The following DLC1 variants were observed in gnomAD, a reference collection of about 807,000 sequenced individuals.
DLC1 encodes the protein rho GTPase-activating protein 7.
In DLC1, 54 loss-of-function variants were observed where a neutral mutation model predicts 140.3. The ratio of observed to expected loss-of-function variants is 0.38; its 90% CI spans 0.31 to 0.48. The LOEUF (loss-of-function observed/expected upper bound fraction) is 0.48. Ranked by LOEUF, DLC1 falls within the 20% of genes least tolerant of loss-of-function variation. The probability of loss-of-function intolerance (pLI) is 0.96; values close to 1 mark genes in which losing one functional copy is unlikely to be tolerated. For missense variants in DLC1, 2,536 were observed against 1,907.0 expected (o/e 1.33, Z -6.14); for synonymous variants, 986 against 728.1 (o/e 1.35, Z -5.70).
At chr8:13,346,194 C>T (rs1267262896) in intron 4 of DLC1, among the ~76,000 whole-genome samples, 5 of 152,178 alleles carry the variant, frequency 3.3e-5, no homozygotes, top group Non-Finnish European at 7.3e-5. Flanking sequence ...AATATTATGT[C>T]ACCTGTCTCT....
chr8:13,481,743 C>T (rs1800747620), intron 2 of DLC1, among the ~76,000 whole-genome samples: 1 of 152,154 alleles, frequency 6.6e-6, no homozygotes, highest in Non-Finnish European at 1.5e-5. Context: ...CCCAGTACCT[C>T]ACAATGTGAC....
intron 5 of DLC1, among the ~76,000 whole-genome samples, chr8:13,143,927 A>G (rs956357220): frequency 1.3e-5 from 2 of 151,722 alleles, no homozygotes; most frequent in African/African-American, 4.8e-5. Flanking sequence ...GCACATGTGA[A>G]TGGAGAAGGC....
At chr8:13,572,964 G>A (rs530690559) in intron 1 of DLC1, among the ~76,000 whole-genome samples, 1 of 151,952 alleles carries the variant, frequency 6.6e-6, no homozygotes, top group Admixed American at 6.6e-5. Flanking sequence ...TGGTTCCTTG[G>A]GATTCCATAT....
intron 4 of DLC1, among the ~76,000 whole-genome samples, chr8:13,382,542 G>C (rs1016569799): frequency 3.5e-5 from 4 of 114,956 alleles, no homozygotes; most frequent in African/African-American, 6.5e-5. Flanking sequence ...AGAAAGAGGA[G>C]ACAGATAAGC....
intron 5 of DLC1, among the ~76,000 whole-genome samples, chr8:13,270,363 C>G (rs549123182): frequency 2.0e-5 from 3 of 152,096 alleles, no homozygotes; most frequent in Non-Finnish European, 4.4e-5. Context: ...GGGAGGTGTG[C>G]GAAACATCCC....
At chr8:13,423,643 C>CA (rs1563334462) in intron 2 of DLC1, among the ~76,000 whole-genome samples, 1 of 152,094 alleles carries the variant, frequency 6.6e-6, no homozygotes, top group Admixed American at 6.5e-5. Context: ...AAACAGAAAT[C>CA]GGATTTCTGC....
chr8:13,169,890 C>A (rs1270491401), intron 5 of DLC1, among the ~76,000 whole-genome samples: 1 of 150,682 alleles, frequency 6.6e-6, no homozygotes, highest in African/African-American at 2.4e-5. Flanking sequence ...GTGGCTCATG[C>A]CTGTAGTTCC....
intron 4 of DLC1, among the ~76,000 whole-genome samples, chr8:13,363,976 C>A (rs1284329702): frequency 6.6e-6 from 1 of 152,160 alleles, no homozygotes; most frequent in African/African-American, 2.4e-5. Flanking sequence ...GAAATTCCTA[C>A]AGTGGTTTCT....
intron 5 of DLC1, among the ~76,000 whole-genome samples, chr8:13,118,021 T>TC (rs1820721662): frequency 1.2e-5 from 1 of 85,794 alleles, no homozygotes; most frequent in Non-Finnish European, 2.9e-5. Context: ...TTTTTTTTTT[T>TC]TTTTTTGAGA....
chr8:13,102,672 G>C, intron 8 of DLC1, 118 bp downstream of exon 8: 1 of 890,128 alleles, frequency 1.1e-6, no homozygotes, highest in Non-Finnish European at 1.8e-6. Flanking sequence ...TCAAGATGTA[G>C]ATGCTTACGG....
intron 2 of DLC1, among the ~76,000 whole-genome samples, chr8:13,469,841 A>T (rs6994578): frequency 1 from 151,909 of 152,284 alleles, 75,770 homozygotes; most frequent in Middle Eastern, 1. Flanking sequence ...AGATTCTGAG[A>T]TTTCCTGAAG....
chr8:13,212,250 G>C (rs1229084039), intron 5 of DLC1, among the ~76,000 whole-genome samples: 1 of 152,118 alleles, frequency 6.6e-6, no homozygotes, highest in Admixed American at 6.6e-5. Context: ...GGCCTTCTCA[G>C]CTTCCAGAAT....
At chr8:13,549,639 G>T (rs572610644) in intron 1 of DLC1, among the ~76,000 whole-genome samples, 3 of 152,268 alleles carry the variant, frequency 2.0e-5, no homozygotes, top group South Asian at 4.1e-4. Context: ...CCCTGTTAAA[G>T]GATGTGGTAG....
intron 5 of DLC1, among the ~76,000 whole-genome samples, chr8:13,229,902 T>C (rs761521930): frequency 1.3e-5 from 2 of 152,216 alleles, no homozygotes; most frequent in African/African-American, 2.4e-5. Context: ...AAAATAAATT[T>C]AGTCCCATGT....
Position 13,128,723 on chromosome 8 carries a change from T to A in DLC1, c.1349-13066A>T, listed in dbSNP as rs568709431. On this transcript the variant is annotated intron_variant, in intron 5 of 17. Coordinates refer to ENST00000276297, the MANE Select transcript of DLC1 (RefSeq NM_182643.3). ...TGGCGGCGCCTACTGTAGTCCCAGCTACTCGGGAGGCTGGGGCAGGAGAAT... is the reference window on the plus strand; with the variant it reads ...TGGCGGCGCCTACTGTAGTCCCAGCAACTCGGGAGGCTGGGGCAGGAGAAT... 7.5e-4 allele frequency among the ~76,000 whole-genome samples: 114 copies of A among 151,944 alleles called. 1 individual carries two copies. Among genetic ancestry groups the A allele is most frequent in the African/African-American group, 2.5e-3 (102 of 41,430 alleles).
intron 1 of DLC1, among the ~76,000 whole-genome samples, chr8:13,507,473 C>G (rs542465582): frequency 1.3e-5 from 2 of 152,290 alleles, no homozygotes; most frequent in African/African-American, 4.8e-5. Flanking sequence ...CTAAATTAGA[C>G]AAGACTAGAA....
In DLC1 at chr8:13,154,640, G is replaced by C. The variant is rs191038543; in HGVS notation, c.1349-38983C>G. Among the ~76,000 whole-genome samples, 183 of 152,302 alleles carry C rather than the reference G, an allele frequency of 1.2e-3. 2 individuals are homozygous for C. The East Asian group carries it at 0.029, about 25-fold the overall frequency. Reference sequence around the variant, plus strand: ...CTGGTCTCAGCCAGCCCAGAGAGGGGCTCCCACAGTGCAGCAGCGGGCTGA... The same window carrying C: ...CTGGTCTCAGCCAGCCCAGAGAGGGCCTCCCACAGTGCAGCAGCGGGCTGA... On this transcript the variant is annotated intron_variant, in intron 5 of 17. Transcript: ENST00000276297.
At chr8:13,460,342 A>G (rs778358421) in intron 2 of DLC1, among the ~76,000 whole-genome samples, 5 of 152,234 alleles carry the variant, frequency 3.3e-5, no homozygotes, top group Non-Finnish European at 5.9e-5. Context: ...TAACAGCTCC[A>G]TGAACATTGA....
chr8:13,457,552 C>T (rs1281604281), intron 2 of DLC1, among the ~76,000 whole-genome samples: 3 of 151,762 alleles, frequency 2.0e-5, no homozygotes, highest in East Asian at 1.9e-4. Flanking sequence ...TGATGTGTGC[C>T]TGTAGCCCGA....
Sources: gnomAD v4.1 joint callset for allele counts (sites outside exome capture counted in the v4.1 genomes callset) on GRCh38, gnomAD v4.1.1 for gene constraint, MANE v1.5 for transcripts, NCBI Gene and HGNC (gene_info 2026-07-23, HGNC 2026-07-21) for gene names.